WTIP: variants seen among roughly 807,000 people sequenced by gnomAD.
WTIP encodes the protein Wilms tumor protein 1-interacting protein.
Under a neutral mutation model 41.7 loss-of-function variants are expected in WTIP, and 23 were observed. That is an observed-to-expected ratio of 0.55 (90% CI 0.40 to 0.78). The LOEUF (loss-of-function observed/expected upper bound fraction) is 0.78. Among genes scored for constraint, WTIP ranks in the 30% least tolerant of loss-of-function variants. WTIP has a pLI of 0.00. For missense variants in WTIP, 619 were observed against 610.5 expected (o/e 1.01, Z -0.15); for synonymous variants, 314 against 269.9 (o/e 1.16, Z -1.60).
chr19:34,493,080 A>C lies in WTIP; in HGVS notation c.813A>C (p.Lys271Asn). The C allele has an allele frequency of 6.2e-7, 1 of 1,613,872 alleles. No individual in the cohort carries two copies. The highest frequency in any genetic ancestry group is 1.1e-5 in the South Asian group (1 of 91,078). ...AGGCGTTCTACAACGTGGGTGAGAA[A>C]GTGTACTGCCAGGAGGACTTCCTGG... The part of the protein sequence containing the change: ...RGKAFYNVGE[K>N]VYCQEDFLYS... The change falls in exon 3 of 8, where the codon AAA becomes AAC. Residue 271 changes from lysine (K) to asparagine (N), a missense_variant. Transcript: ENST00000590071. This position sits in a 1 kb window ranked among gnomAD's most constrained non-coding sequence, Gnocchi z 4.1.
Position 34,483,183 on chromosome 19 carries a change from CTTTTTTTTT to C in WTIP, c.667+555_667+563del, listed in dbSNP as rs10611262. On this transcript the variant is annotated intron_variant, in intron 1 of 7. Coordinates refer to ENST00000590071, the MANE Select transcript of WTIP (RefSeq NM_001080436.2). ...CCATGCCCAGCTTTTCTTCTTCTTA[CTTTTTTTTT>C]TTTTTTTTTTTTGTAGAGACAGAGT... 6.1e-4 allele frequency among the ~76,000 whole-genome samples: 63 copies of C among 102,594 alleles called. 1 individual carries two copies. Among genetic ancestry groups the C allele is most frequent in the African/African-American group, 2.2e-3 (62 of 28,250 alleles). 67.3% of individuals were successfully genotyped at this position (102,594 alleles called of 152,430 possible). A position where few individuals can be genotyped will look rare whatever the true frequency, so the allele number is the denominator to read the frequency against.
In WTIP at chr19:34,511,231, A is replaced by C. The variant is rs906775516; in HGVS notation, c.*10962A>C. 6.6e-6 allele frequency: 1 copy of C among 152,244 alleles called. No individual in the cohort carries two copies. Among genetic ancestry groups the C allele is most frequent in the Non-Finnish European group, 1.5e-5 (1 of 68,098 alleles). 9.4% of individuals were successfully genotyped at this position (152,244 alleles called of 1,614,324 possible). Reference sequence around the variant, plus strand: ...GCCTCAGAATCATGGCCTGAGGCAAAAGTTATGTGGTAGCGGCAAGAGAAA... The same window carrying C: ...GCCTCAGAATCATGGCCTGAGGCAACAGTTATGTGGTAGCGGCAAGAGAAA... On this transcript the variant is annotated 3_prime_UTR_variant, in exon 8 of 8. Coordinates refer to ENST00000590071, the MANE Select transcript of WTIP (RefSeq NM_001080436.2).
At position 34,493,256 on chromosome 19, in the gene WTIP, C is replaced by T. The variant is rs765351862; in HGVS notation, c.838-7C>T. The T allele has an allele frequency of 6.2e-6, 10 of 1,613,532 alleles. No individual in the cohort carries two copies. The South Asian group carries it at 1.1e-4, about 18-fold the overall frequency. Reference sequence around the variant, plus strand: ...CACAATGTCCTGGATCCTGTGTCCCCTCCCAGTACTCCGGGTTCCAGCAGA... The same window carrying T: ...CACAATGTCCTGGATCCTGTGTCCCTTCCCAGTACTCCGGGTTCCAGCAGA... On this transcript the variant is annotated splice_polypyrimidine_tract_variant and splice_region_variant and intron_variant, in intron 3 of 7. Transcript: ENST00000590071. This position sits in a 1 kb window ranked among gnomAD's most constrained non-coding sequence, Gnocchi z 4.1.
At chr19:34,489,081 C>A (rs543614440) in intron 1 of WTIP, among the ~76,000 whole-genome samples, 1 of 151,302 alleles carries the variant, frequency 6.6e-6, no homozygotes, top group Non-Finnish European at 1.5e-5. Flanking sequence ...TGCCTGTAAT[C>A]CCAGCTACTC....
At chr19:34,496,030 A>G (rs1021854043) in intron 7 of WTIP, among the ~76,000 whole-genome samples, 19 of 152,018 alleles carry the variant, frequency 1.2e-4, no homozygotes, top group Admixed American at 3.3e-4. Context: ...GGTGGCGGGC[A>G]CCTGTAGTCC....
chr19:34,502,119 T>C lies in WTIP; in HGVS notation c.*1850T>C, dbSNP rs573495076. Reference sequence around the variant, plus strand: ...ACAGGCGCACGCCACCACGCCCGGCTAATTTTGTATTTTTAGTAGAGATGG... The same window carrying C: ...ACAGGCGCACGCCACCACGCCCGGCCAATTTTGTATTTTTAGTAGAGATGG... On this transcript the variant is annotated 3_prime_UTR_variant, in exon 8 of 8. Coordinates refer to ENST00000590071, the MANE Select transcript of WTIP (RefSeq NM_001080436.2). 6.6e-6 allele frequency: 1 copy of C among 152,400 alleles called. No individual in the cohort carries two copies. The highest frequency in any genetic ancestry group is 6.5e-5 in the Admixed American group (1 of 15,268). 9.4% of individuals were successfully genotyped at this position (152,400 alleles called of 1,614,324 possible).
rs752058337 is a variant in WTIP at position 34,493,275 on chromosome 19, C to T, written c.850C>T (p.Gln284Ter). The T allele has an allele frequency of 3.7e-6, 6 of 1,613,540 alleles. No homozygotes were observed. Among genetic ancestry groups the T allele is most frequent in the African/African-American group, 1.3e-5 (1 of 74,912 alleles). The stretch of plus-strand genomic sequence containing the variant: ...TGTCCCCTCCCAGTACTCCGGGTTC[C>T]AGCAGACGGCCGACAAATGCAGCGT... Reference protein sequence around the residue: ...CQEDFLYSGFQQTADKCSVCG... With the variant: ...CQEDFLYSGF Residue 284 changes from glutamine to a stop codon, truncating the protein, a stop_gained, in exon 4 of 8, where the codon CAG (glutamine) becomes TAG (stop). Transcript: ENST00000590071. LOFTEE classifies it high-confidence loss of function. This position sits in a 1 kb window ranked among gnomAD's most constrained non-coding sequence, Gnocchi z 4.1.
intron 5 of WTIP, among the ~76,000 whole-genome samples, chr19:34,494,182 A>C (rs900824732): frequency 1.3e-5 from 2 of 152,116 alleles, no homozygotes; most frequent in African/African-American, 4.8e-5. Flanking sequence ...CTCACAGGAA[A>C]CATGGGGGCA....
intron 1 of WTIP, among the ~76,000 whole-genome samples, chr19:34,485,908 TCTGTCCAACCC>T (rs957383868): frequency 2.6e-5 from 4 of 152,090 alleles, no homozygotes; most frequent in Admixed American, 1.3e-4. Context: ...TTTTTTTCTC[TCTGTCCAACCC>T]CTCATCTCTT....
At chr19:34,487,042 T>C (rs371058223) in intron 1 of WTIP, among the ~76,000 whole-genome samples, 5 of 144,016 alleles carry the variant, frequency 3.5e-5, no homozygotes, top group African/African-American at 1.0e-4. Flanking sequence ...GATCCTCCTG[T>C]CTCAGACTCC....
chr19:34,506,022 G>A lies in WTIP; in HGVS notation c.*5753G>A, dbSNP rs2075909797. 2.0e-5 allele frequency: 3 copies of A among 152,370 alleles called. No homozygotes were observed. The South Asian group carries it at 6.2e-4, about 32-fold the overall frequency. The allele number at this position is 152,370 out of a possible 1,614,324, so 9.4% of individuals were successfully genotyped here. ...CTTCTCGTCCCTGAGAACAGATTGG[G>A]GCTGGGAGTCCCAGCCCGTCCCTGG... On this transcript the variant is annotated 3_prime_UTR_variant, in exon 8 of 8. Transcript: ENST00000590071.
intron 7 of WTIP, among the ~76,000 whole-genome samples, chr19:34,498,196 G>A (rs1025538327): frequency 7.9e-5 from 12 of 152,116 alleles, no homozygotes; most frequent in African/African-American, 2.2e-4. Context: ...GGTCAAAGCC[G>A]CCAGCATTCC....
chr19:34,482,334 C>G lies in WTIP; in HGVS notation c.360C>G (p.Ser120Arg). 1 of 1,385,036 alleles carries G rather than the reference C, an allele frequency of 7.2e-7. No homozygotes were observed. The highest frequency in any genetic ancestry group is 9.4e-7 in the Non-Finnish European group (1 of 1,063,674). 85.8% of individuals were successfully genotyped at this position (1,385,036 alleles called of 1,614,324 possible). ...ISLGYDQRHGSPRSGRSDPRP... is the reference protein window; with the variant it reads ...ISLGYDQRHGRPRSGRSDPRP... ...TGGGCTACGACCAGCGCCACGGCAG[C>G]CCGCGCTCCGGTCGCTCGGACCCGC... The change falls in exon 1 of 8, where the codon AGC becomes AGG. Residue 120 changes from serine to arginine, a missense_variant. Physicochemically the swap from Ser to Arg is moderately radical, Grantham distance 110. Around this residue, in one of 3 missense-constraint regions of WTIP, gnomAD observed 363 missense variants for 309.0 expected, o/e 1.17. Transcript: ENST00000590071.
chr19:34,493,055 A>G lies in WTIP; in HGVS notation c.788A>G (p.Lys263Arg). Residue 263 changes from lysine (K) to arginine (R), a missense_variant, in exon 3 of 8, where the codon AAG becomes AGG. Coordinates refer to ENST00000590071, the MANE Select transcript of WTIP (RefSeq NM_001080436.2). The surrounding 1 kb of genome is among the most constrained non-coding windows in gnomAD (Gnocchi z 4.1). ...CDSCGRRLRG[K>R]AFYNVGEKVY... is the part of the protein sequence containing the mutation. ...CTTGCAGGGAGACGACTCCGTGGGA[A>G]GGCGTTCTACAACGTGGGTGAGAAA... The G allele has an allele frequency of 1.9e-6, 3 of 1,613,882 alleles. No individual in the cohort carries two copies. Among genetic ancestry groups the G allele is most frequent in the Non-Finnish European group, 1.7e-6 (2 of 1,179,844 alleles).
chr19:34,495,910 A>G lies in WTIP; in HGVS notation c.1152+139A>G, dbSNP rs182642133. 3.1e-4 allele frequency: 254 copies of G among 814,258 alleles called. 2 individuals carry two copies. The African/African-American group carries it at 3.4e-3, about 11-fold the overall frequency. 50.4% of individuals were successfully genotyped at this position (814,258 alleles called of 1,614,324 possible). A position where few individuals can be genotyped will look rare whatever the true frequency, so the allele number is the denominator to read the frequency against. On this transcript the variant is annotated intron_variant, in intron 7 of 7. Transcript: ENST00000590071. ...GGTGGTTCATGCCTGTAATCCCAGC[A>G]CTTTGGGAGGCTGAGGAGGGTGGAT...
chr19:34,489,060 G>A (rs984097474), intron 1 of WTIP, among the ~76,000 whole-genome samples: 2 of 151,766 alleles, frequency 1.3e-5, no homozygotes, highest in South Asian at 2.1e-4. Flanking sequence ...TTAGCCAGGT[G>A]TGGTGGCACA....
rs116402812 is a variant in WTIP at position 34,497,942 on chromosome 19, C to T, written c.1152+2171C>T. Among the ~76,000 whole-genome samples, 403 of 152,290 alleles carry T rather than the reference C, an allele frequency of 2.6e-3. 2 individuals are homozygous for T. Among genetic ancestry groups the T allele is most frequent in the African/African-American group, 9.2e-3 (381 of 41,556 alleles). On this transcript the variant is annotated intron_variant, in intron 7 of 7. Coordinates refer to ENST00000590071, the MANE Select transcript of WTIP (RefSeq NM_001080436.2). ...AAAAGGTTGACGCTGAGAGTGAGAG[C>T]GGGGCAGGCGGCTGGTGGTGGTGCT...
At chr19:34,495,912 T>C in intron 7 of WTIP, 141 bp downstream of exon 7, 1 of 800,284 alleles carries the variant, frequency 1.2e-6, no homozygotes, top group Admixed American at 2.4e-5. Context: ...ATCCCAGCAC[T>C]TTGGGAGGCT....
rs1400102545 is a variant in WTIP at position 34,500,924 on chromosome 19, T to C, written c.*655T>C. 6.6e-6 allele frequency: 1 copy of C among 152,512 alleles called. No individual in the cohort carries two copies. The highest frequency in any genetic ancestry group is 1.5e-5 in the Non-Finnish European group (1 of 68,188). 9.4% of individuals were successfully genotyped at this position (152,512 alleles called of 1,614,324 possible). On this transcript the variant is annotated 3_prime_UTR_variant, in exon 8 of 8. Transcript: ENST00000590071. ...TTTGCGGCCCCAGTTGCCGCCCTGC[T>C]CCCTCTTCCAGGGCTCCTGGCTTGG...
Sources: allele counts gnomAD v4.1 joint callset (sites outside exome capture counted in the v4.1 genomes callset), GRCh38; gene constraint gnomAD v4.1.1; regional missense constraint gnomAD v4.1.1; non-coding constraint Gnocchi (gnomAD v3.1); transcripts MANE v1.5; gene names NCBI Gene and HGNC (gene_info 2026-07-23, HGNC 2026-07-21).